Variants in APBA2 observed in about 807,000 individuals in gnomAD.
APBA2 encodes the protein amyloid-beta A4 precursor protein-binding family A member 2.
In APBA2, 30 loss-of-function variants were observed where a neutral mutation model predicts 75.0. The ratio of observed to expected loss-of-function variants is 0.40; its 90% confidence interval spans 0.30 to 0.54. The LOEUF (loss-of-function observed/expected upper bound fraction) is 0.54. Ranked by LOEUF, APBA2 falls within the 20% of genes least tolerant of loss-of-function variation. The probability of loss-of-function intolerance (pLI) is 0.49; values close to 1 mark genes in which losing one functional copy is unlikely to be tolerated. For missense variants in APBA2, 801 were observed against 1,016.1 expected (o/e 0.79, Z 2.88); for synonymous variants, 444 against 409.6 (o/e 1.08, Z -1.01).
At chr15:29,078,908 G>A (rs2042969041) in intron 6 of APBA2, among the ~76,000 whole-genome samples, 2 of 152,198 alleles carry the variant, frequency 1.3e-5, no homozygotes, top group Non-Finnish European at 2.9e-5. Flanking sequence ...CATGAGAATC[G>A]GACCCTCTGT....
At chr15:29,076,154 C>G in intron 6 of APBA2, 63 bp downstream of exon 6, 2 of 1,557,440 alleles carry the variant, frequency 1.3e-6, no homozygotes, top group Middle Eastern at 1.7e-4. Flanking sequence ...ATAAATGGTG[C>G]TTTTAGTTTG....
intron 3 of APBA2, among the ~76,000 whole-genome samples, chr15:29,048,749 C>A (rs1231340605): frequency 1.3e-5 from 2 of 151,592 alleles, no homozygotes; most frequent in Non-Finnish European, 2.9e-5. Context: ...TCCTGGCCAA[C>A]ATGGTGAAAC....
chr15:29,056,606 C>CTTCCT (rs1391611533), intron 4 of APBA2, among the ~76,000 whole-genome samples: 890 of 4,460 alleles, frequency 0.2, 97 homozygotes, highest in African/African-American at 0.27. Flanking sequence ...CCCTCCCTCC[C>CTTCCT]TCCCTCCTTC....
At chr15:29,114,140 A>T (rs1189155840) in intron 14 of APBA2, 124 bp downstream of exon 14, 2 of 1,409,388 alleles carry the variant, frequency 1.4e-6, no homozygotes, top group African/African-American at 2.8e-5. Flanking sequence ...TGTGTCTCCC[A>T]TCGGGGCTGC....
In APBA2 at chr15:28,999,986, C is replaced by T. The variant is rs752786403; in HGVS notation, c.-41+4180C>T. Among the ~76,000 whole-genome samples the T allele has an allele frequency of 6.4e-4, 97 of 152,124 alleles. 1 individual carries two copies. The highest frequency in any genetic ancestry group is 1.2e-3 in the Non-Finnish European group (82 of 68,018). On this transcript the variant is annotated intron_variant, in intron 3 of 14. Transcript: ENST00000683413. ...AAGACCAATGTCCCAGTCAAGCAGT[C>T]AGGCAGAGAGTGAATTCAACCCTCC...
chr15:29,085,968 C>T (rs927265534), intron 6 of APBA2, among the ~76,000 whole-genome samples: 2 of 152,184 alleles, frequency 1.3e-5, no homozygotes, highest in Non-Finnish European at 2.9e-5. Context: ...GTGAGTCCTT[C>T]CCTCCCCCTG....
chr15:28,889,302 T>C (rs1371879781), intron 1 of APBA2, among the ~76,000 whole-genome samples: 9 of 152,186 alleles, frequency 5.9e-5, no homozygotes, highest in Admixed American at 5.9e-4. Flanking sequence ...GCAGCCAGGC[T>C]CACTCTGTGG....
At chr15:28,977,271 A>G (rs1296914250) in intron 2 of APBA2, 1 of 151,888 alleles carries the variant, frequency 6.6e-6, no homozygotes, top group African/African-American at 2.4e-5. Context: ...GGAGAGAGAG[A>G]GCATCTCTCT....
chr15:28,983,924 A>G (rs1056664680), intron 2 of APBA2, among the ~76,000 whole-genome samples: 1 of 152,304 alleles, frequency 6.6e-6, no homozygotes, highest in South Asian at 2.1e-4. Flanking sequence ...CTGCTGAGGT[A>G]TAAGTGGTGC....
intron 2 of APBA2, among the ~76,000 whole-genome samples, chr15:28,955,847 G>A (rs1348820632): frequency 1.3e-5 from 2 of 152,218 alleles, no homozygotes; most frequent in African/African-American, 4.8e-5. Flanking sequence ...CACTGGGTGT[G>A]TTGGGGCAGA....
chr15:29,013,277 T>TC (rs2039492905), intron 3 of APBA2, among the ~76,000 whole-genome samples: 1 of 138,212 alleles, frequency 7.2e-6, no homozygotes, highest in East Asian at 2.0e-4. Context: ...GTCATTCTTT[T>TC]TTTTTTTTTT....
At chr15:28,922,803 C>G (rs2034045898) in intron 2 of APBA2, among the ~76,000 whole-genome samples, 1 of 152,198 alleles carries the variant, frequency 6.6e-6, no homozygotes, top group African/African-American at 2.4e-5. Context: ...CAGAACACTG[C>G]AGGTCCTTCA....
chr15:28,902,789 T>A (rs1361800002), intron 1 of APBA2, among the ~76,000 whole-genome samples: 1 of 152,170 alleles, frequency 6.6e-6, no homozygotes, highest in Non-Finnish European at 1.5e-5. Context: ...TCCCTGGTGG[T>A]GGGACCTTGG....
chr15:29,040,400 T>C (rs1051634978), intron 3 of APBA2, among the ~76,000 whole-genome samples: 1 of 152,204 alleles, frequency 6.6e-6, no homozygotes, highest in Non-Finnish European at 1.5e-5. Flanking sequence ...GGAAGAAATC[T>C]TGGAGAGGGG....
At chr15:28,933,342 A>G (rs1356536945) in intron 2 of APBA2, among the ~76,000 whole-genome samples, 11 of 137,274 alleles carry the variant, frequency 8.0e-5, no homozygotes, top group Non-Finnish European at 1.4e-4. Context: ...GCCCTCCACC[A>G]TGTGAGGACA....
chr15:28,950,476 A>T (rs2035800279), intron 2 of APBA2, among the ~76,000 whole-genome samples: 1 of 151,950 alleles, frequency 6.6e-6, no homozygotes, highest in Non-Finnish European at 1.5e-5. Flanking sequence ...AAATACAAAA[A>T]ATTAGCCAGG....
intron 3 of APBA2, among the ~76,000 whole-genome samples, chr15:29,036,855 A>G (rs767339892): frequency 6.6e-6 from 1 of 152,094 alleles, no homozygotes; most frequent in Non-Finnish European, 1.5e-5. Context: ...CCCTGTTTCT[A>G]TAAAAAATAC....
chr15:28,995,639 A>G (rs1019970981), intron 2 of APBA2, 114 bp from the exon 3 acceptor site: 4 of 152,188 alleles, frequency 2.6e-5, no homozygotes, highest in African/African-American at 9.7e-5. Flanking sequence ...CCACTTTTAC[A>G]GGTGATTCAA....
chr15:28,973,430 A>G (rs1472372494), intron 2 of APBA2, among the ~76,000 whole-genome samples: 1 of 152,212 alleles, frequency 6.6e-6, no homozygotes, highest in African/African-American at 2.4e-5. Flanking sequence ...TTTTAAAATT[A>G]CAGATCCAGT....
Sources: gnomAD v4.1 joint callset for allele counts (sites outside exome capture counted in the v4.1 genomes callset) on GRCh38, gnomAD v4.1.1 for gene constraint, MANE v1.5 for transcripts, NCBI Gene and HGNC (gene_info 2026-07-23, HGNC 2026-07-21) for gene names.